Variants in DDX31 observed in about 807,000 individuals in gnomAD.
DDX31 encodes ATP-dependent DNA helicase DDX31.
A neutral mutation model predicts 91.3 loss-of-function variants in DDX31; 70 were observed. The ratio of observed to expected loss-of-function variants is 0.77; its 90% confidence interval spans 0.63 to 0.94. The LOEUF (loss-of-function observed/expected upper bound fraction) is 0.94, where lower values mean the gene tolerates loss of function less well. Among genes scored for constraint, DDX31 ranks in the 40% least tolerant of loss-of-function variants. The pLI, the probability that DDX31 is intolerant of heterozygous loss-of-function variation, is 0.00. For missense variants in DDX31, 902 were observed against 925.0 expected (o/e 0.98, Z 0.32); for synonymous variants, 362 against 350.6 (o/e 1.03, Z -0.36).
chr9:132,634,375 C>CACAT, intron 14 of DDX31, among the ~76,000 whole-genome samples: 1 of 152,264 alleles, frequency 6.6e-6, no homozygotes, highest in South Asian at 2.1e-4. Flanking sequence ...CGCACACACA[C>CACAT]ACATATGCAA....
intron 6 of DDX31, chr9:132,658,231 G>A (rs1834695114): frequency 1.4e-6 from 1 of 700,564 alleles, no homozygotes; most frequent in Non-Finnish European, 2.6e-6. Context: ...AGAGTAAGGA[G>A]CTTGGTCTCT....
intron 19 of DDX31, among the ~76,000 whole-genome samples, chr9:132,599,697 G>A (rs186901820): frequency 1.0e-3 from 153 of 152,324 alleles, no homozygotes; most frequent in African/African-American, 3.0e-3. Context: ...TTGATTTTGC[G>A]AGGGTGTAGT....
chr9:132,659,413 A>C (rs1281398028), intron 5 of DDX31, among the ~76,000 whole-genome samples: 1 of 152,210 alleles, frequency 6.6e-6, no homozygotes, highest in Non-Finnish European at 1.5e-5. Context: ...TTCATTCTCC[A>C]CTAGAGTGAG....
chr9:132,596,882 T>G (rs1830461642), intron 19 of DDX31, among the ~76,000 whole-genome samples: 1 of 151,778 alleles, frequency 6.6e-6, no homozygotes, highest in Admixed American at 6.6e-5. Flanking sequence ...AGCTGCAGGG[T>G]GGAGGAGGGA....
At chr9:132,605,764 G>C (rs554478682) in intron 19 of DDX31, among the ~76,000 whole-genome samples, 2 of 152,346 alleles carry the variant, frequency 1.3e-5, no homozygotes, top group South Asian at 4.1e-4. Flanking sequence ...AGAAACAGGG[G>C]TGTGGGATGA....
At chr9:132,656,129 AAG>A (rs1180845339) in intron 6 of DDX31, among the ~76,000 whole-genome samples, 1 of 152,214 alleles carries the variant, frequency 6.6e-6, no homozygotes, top group Non-Finnish European at 1.5e-5. Context: ...AAAATAACTG[AAG>A]AGTGTGAACA....
At position 132,662,246 on chromosome 9, in the gene DDX31, C is replaced by T; in HGVS notation, c.408+15G>A. 6.2e-7 allele frequency: 1 copy of T among 1,613,986 alleles called. No homozygotes were observed. The highest frequency in any genetic ancestry group is 8.5e-7 in the Non-Finnish European group (1 of 1,179,938). On this transcript the variant is annotated intron_variant, in intron 3 of 19. Transcript: ENST00000372159. ...CCAAAAAAAACTGACCCAGAAAACACTGAAAGGTACTTACTAAATGTGGGT... is the reference window on the plus strand; with the variant it reads ...CCAAAAAAAACTGACCCAGAAAACATTGAAAGGTACTTACTAAATGTGGGT...
intron 14 of DDX31, among the ~76,000 whole-genome samples, chr9:132,637,122 T>C (rs568159713): frequency 6.6e-6 from 1 of 152,260 alleles, no homozygotes; most frequent in Admixed American, 6.5e-5. Flanking sequence ...TACTCTCCTC[T>C]TCCATCATAT....
intron 17 of DDX31, among the ~76,000 whole-genome samples, chr9:132,621,590 G>A (rs1459119905): frequency 6.6e-6 from 1 of 152,186 alleles, no homozygotes; most frequent in Non-Finnish European, 1.5e-5. Flanking sequence ...GCACTGTAAT[G>A]AGGTGTCTGG....
rs1326272766 is a variant in DDX31 at position 132,594,538 on chromosome 9, C to T, written c.*328G>A. The T allele has an allele frequency of 2.0e-5, 5 of 252,778 alleles. No individual in the cohort carries two copies. The highest frequency in any genetic ancestry group is 1.5e-4 in the South Asian group (2 of 13,588). 15.7% of individuals were successfully genotyped at this position (252,778 alleles called of 1,614,324 possible). On this transcript the variant is annotated 3_prime_UTR_variant, in exon 20 of 20. Transcript: ENST00000372159. ...GCCCGTTCCAGGCTGACGCGCAGGG[C>T]GTTCTTACATCACATCCCGGGGTGC... is the stretch of plus-strand genomic sequence containing the variant.
intron 16 of DDX31, among the ~76,000 whole-genome samples, chr9:132,628,873 A>T (rs1168147891): frequency 6.6e-6 from 1 of 152,254 alleles, no homozygotes; most frequent in African/African-American, 2.4e-5. Flanking sequence ...AATTCTGAAG[A>T]TGCTTTCTGC....
At chr9:132,658,786 T>A (rs769829560) in intron 5 of DDX31, 51 bp from the exon 6 acceptor site, 1 of 1,551,344 alleles carries the variant, frequency 6.4e-7, no homozygotes, top group African/African-American at 1.4e-5. Flanking sequence ...TACAGATGTT[T>A]AAGAAAAGCA....
intron 7 of DDX31, among the ~76,000 whole-genome samples, chr9:132,652,089 T>C (rs1834224401): frequency 6.6e-6 from 1 of 151,940 alleles, no homozygotes; most frequent in Non-Finnish European, 1.5e-5. Context: ...AGTAGCTTCT[T>C]AAAAAAAATA....
intron 12 of DDX31, 101 bp from the exon 13 acceptor site, chr9:132,646,172 G>T: frequency 8.4e-7 from 1 of 1,188,542 alleles, no homozygotes; most frequent in Non-Finnish European, 1.2e-6. Flanking sequence ...ACCCCCATTT[G>T]GAAATAAAGG....
In DDX31 at chr9:132,593,142, C is replaced by T. The variant is rs535627981; in HGVS notation, c.*1724G>A. On this transcript the variant is annotated 3_prime_UTR_variant, in exon 20 of 20. Coordinates refer to ENST00000372159, the MANE Select transcript of DDX31 (RefSeq NM_022779.9). ...CCACATAGCATCTATGGCAAGAAAC[C>T]CTCACCATAAGAGTTAGCAGATTAA... 1.3e-5 allele frequency: 2 copies of T among 152,102 alleles called. No homozygotes were observed. Among genetic ancestry groups the T allele is most frequent in the African/African-American group, 4.8e-5 (2 of 41,398 alleles). 9.4% of individuals were successfully genotyped at this position (152,102 alleles called of 1,614,324 possible).
intron 16 of DDX31, among the ~76,000 whole-genome samples, chr9:132,630,051 C>T (rs1410777429): frequency 1.3e-5 from 2 of 152,326 alleles, no homozygotes; most frequent in South Asian, 4.1e-4. Flanking sequence ...TACAACACAT[C>T]GTCCTATGAC....
chr9:132,657,922 T>C (rs1402818574), intron 6 of DDX31, among the ~76,000 whole-genome samples: 1 of 152,224 alleles, frequency 6.6e-6, no homozygotes, highest in Non-Finnish European at 1.5e-5. Context: ...CATATTAACA[T>C]TTCAGCTAAA....
chr9:132,632,165 T>C, intron 14 of DDX31, 74 bp from the exon 15 acceptor site: 1 of 1,446,558 alleles, frequency 6.9e-7, no homozygotes, highest in East Asian at 2.4e-5. Flanking sequence ...TGTTTGATAA[T>C]TTAATGCAAA....
intron 19 of DDX31, among the ~76,000 whole-genome samples, chr9:132,604,956 G>A (rs896705274): frequency 1.3e-5 from 2 of 152,170 alleles, no homozygotes; most frequent in African/African-American, 2.4e-5. Context: ...TGGACCACGA[G>A]GGGCATGGGG....
Sources: allele counts gnomAD v4.1 joint callset (sites outside exome capture counted in the v4.1 genomes callset), GRCh38; gene constraint gnomAD v4.1.1; transcripts MANE v1.5; gene names NCBI Gene and HGNC (gene_info 2026-07-23, HGNC 2026-07-21).